Variants in BAZ1A observed in about 807,000 individuals in gnomAD.
BAZ1A encodes bromodomain adjacent to zinc finger domain protein 1A.
BAZ1A carries 50 observed loss-of-function variants against 185.2 expected under a neutral mutation model. The ratio of observed to expected loss-of-function variants is 0.27; its 90% CI spans 0.22 to 0.34. BAZ1A has a LOEUF of 0.34. BAZ1A is among the 10% of genes least tolerant of loss of function. The pLI is 1.00. For synonymous variants in BAZ1A, 571 were observed against 615.6 expected, an observed-to-expected ratio of 0.93 and a Z score of 1.07; for missense variants, 1,356 against 1,839.9, an observed-to-expected ratio of 0.74 and a Z score of 4.81.
chr14:34,790,576 A>G (rs1880778805), intron 12 of BAZ1A, among the ~76,000 whole-genome samples: 1 of 150,228 alleles, frequency 6.7e-6, no homozygotes, highest in African/African-American at 2.5e-5. Context: ...CTGGTCTTGA[A>G]CTCCTGACCT....
chr14:34,852,747 T>C (rs2042617159), intron 3 of BAZ1A, among the ~76,000 whole-genome samples: 1 of 152,218 alleles, frequency 6.6e-6, no homozygotes, highest in Non-Finnish European at 1.5e-5. Context: ...CATTTCATCC[T>C]GAGAAGCAAC....
At chr14:34,778,076 AC>A (rs2138592661) in intron 17 of BAZ1A, among the ~76,000 whole-genome samples, 1 of 152,342 alleles carries the variant, frequency 6.6e-6, no homozygotes, top group Non-Finnish European at 1.5e-5. Flanking sequence ...AGGTAACAGA[AC>A]CACTAGTTTT....
At position 34,771,013 on chromosome 14, in the gene BAZ1A, T is replaced by C. The variant is rs528744602; in HGVS notation, c.3301+498A>G. 3.9e-5 allele frequency among the ~76,000 whole-genome samples: 6 copies of C among 152,304 alleles called. No individual in the cohort carries two copies. In the East Asian group the frequency reaches 9.6e-4, roughly 24 times the overall value. ...ATAGGTTTTGGTGATCTTTTTTTTC[T>C]TTTAAAGAGACAGGGTCTTACTCTG... On this transcript the variant is annotated intron_variant, in intron 21 of 26. Coordinates refer to ENST00000360310, the MANE Select transcript of BAZ1A (RefSeq NM_013448.3).
In BAZ1A at chr14:34,875,179, C is replaced by A. The variant is rs1178432796; in HGVS notation, c.-100G>T. On this transcript the variant is annotated 5_prime_UTR_variant, in exon 1 of 27. Coordinates refer to ENST00000360310, the MANE Select transcript of BAZ1A (RefSeq NM_013448.3). The stretch of plus-strand genomic sequence containing the variant: ...TGCCACTTGTCCACCTTCTCCACTA[C>A]AAAGGCAACGAGGGGAGACCCCGTC... The A allele has an allele frequency of 4.5e-6, 2 of 441,892 alleles. No homozygotes were observed. Among genetic ancestry groups the A allele is most frequent in the Non-Finnish European group, 9.2e-6 (2 of 218,522 alleles). The allele number at this position is 441,892 out of a possible 1,614,324, so 27.4% of individuals were successfully genotyped here.
Position 34,794,875 on chromosome 14 carries a change from G to C in BAZ1A, c.1237C>G (p.Pro413Ala). ...ECDDLKELPE[P>A]TPVKTRLPPE... ...GGTAGTCTAGTTTTCACTGGTGTTG[G>C]TTCTGGAAGTTCCTGAAATATTGAA... Residue 413 changes from proline (P) to alanine (A), a missense_variant, in exon 11 of 27, where the codon CCA (proline) becomes GCA (alanine). Coordinates refer to ENST00000360310, the MANE Select transcript of BAZ1A (RefSeq NM_013448.3). 6.2e-7 allele frequency: 1 copy of C among 1,610,442 alleles called. No homozygotes were observed. Among genetic ancestry groups the C allele is most frequent in the African/African-American group, 1.3e-5 (1 of 74,774 alleles).
intron 4 of BAZ1A, among the ~76,000 whole-genome samples, chr14:34,822,393 G>A (rs2042102173): frequency 6.6e-6 from 1 of 152,168 alleles, no homozygotes; most frequent in African/African-American, 2.4e-5. Context: ...GGAGGTTGAG[G>A]TGGGTGAATT....
chr14:34,850,237 G>A (rs1383017675), intron 3 of BAZ1A, among the ~76,000 whole-genome samples: 1 of 152,112 alleles, frequency 6.6e-6, no homozygotes, highest in Non-Finnish European at 1.5e-5. Context: ...AATTATCCAG[G>A]TGTGGTGGAA....
rs1878747926 is a variant in BAZ1A at position 34,765,112 on chromosome 14, A to G, written c.3458T>C (p.Ile1153Thr). Residue 1153 changes from isoleucine to threonine, a missense_variant, in exon 22 of 27, where the codon ATA becomes ACA. Around this residue, in one of 7 missense-constraint regions of BAZ1A, gnomAD observed 309 missense variants for 355.3 expected, o/e 0.87. Transcript: ENST00000360310. ...SKSILNARCKICRKKGDAENM... is the reference protein window; with the variant it reads ...SKSILNARCKTCRKKGDAENM... ...TTCAGCATCGCCTTTCTTTCGACAT[A>G]TCTTGCAACGCGCATTCAGTATAGA... The G allele has an allele frequency of 1.2e-6, 2 of 1,614,166 alleles. No homozygotes were observed. The highest frequency in any genetic ancestry group is 1.7e-6 in the Non-Finnish European group (2 of 1,180,030).
In BAZ1A at chr14:34,771,569, T is replaced by A. The variant is rs1216877096; in HGVS notation, c.3243A>T (p.Ala1081=). ...CCTGCTCTATTTGAAAGAGTGCCAT[T>A]GCCAGATAATGAACCACACTGCTCA... is the stretch of plus-strand genomic sequence containing the variant. The part of the protein sequence containing the change: ...QSVSSVVHYL[A]MALFQIEQGI... Residue 1081 remains alanine, a synonymous_variant, in exon 21 of 27, where the codon GCA becomes GCT. Transcript: ENST00000360310. 2.5e-6 allele frequency: 4 copies of A among 1,614,014 alleles called. No individual in the cohort carries two copies. Among genetic ancestry groups the A allele is most frequent in the Non-Finnish European group, 3.4e-6 (4 of 1,180,022 alleles).
chr14:34,844,216 A>G lies in BAZ1A; in HGVS notation c.392+17828T>C, dbSNP rs1165955567. Among the ~76,000 whole-genome samples the G allele has an allele frequency of 1.0e-4, 3 of 29,574 alleles. No homozygotes were observed. The Admixed American group carries it at 1.2e-3, about 11-fold the overall frequency. 19.4% of individuals were successfully genotyped at this position (29,574 alleles called of 152,430 possible). A position where few individuals can be genotyped will look rare whatever the true frequency, so the allele number is the denominator to read the frequency against. ...GCGAGACTCCGTCTCAAAAAAAAAA[A>G]AAAAAAAAAAAAAAAAGAATGGTTT... On this transcript the variant is annotated intron_variant, in intron 3 of 26. Coordinates refer to ENST00000360310, the MANE Select transcript of BAZ1A (RefSeq NM_013448.3).
chr14:34,757,463 G>A lies in BAZ1A; in HGVS notation c.4386+1241C>T, dbSNP rs568461710. 4.7e-5 allele frequency among the ~76,000 whole-genome samples: 7 copies of A among 150,234 alleles called. No homozygotes were observed. The South Asian group carries it at 8.4e-4, about 18-fold the overall frequency. On this transcript the variant is annotated intron_variant, in intron 25 of 26. Coordinates refer to ENST00000360310, the MANE Select transcript of BAZ1A (RefSeq NM_013448.3). ...GCAGATCACCTGAGGTCAGGAGTTC[G>A]AGAACAGCCTGGCCAACATGGTGAA...
At chr14:34,783,630 T>A in intron 15 of BAZ1A, 132 bp downstream of exon 15, 1 of 1,234,662 alleles carries the variant, frequency 8.1e-7, no homozygotes, top group Non-Finnish European at 1.1e-6. Context: ...CCTGGCCTCA[T>A]TCACAAGCTC....
At chr14:34,801,761 T>C (rs1055222140) in intron 7 of BAZ1A, among the ~76,000 whole-genome samples, 9 of 152,044 alleles carry the variant, frequency 5.9e-5, no homozygotes, top group African/African-American at 1.9e-4. Context: ...ATGCAAAAAT[T>C]AGCTGGGCGT....
chr14:34,777,753 A>G (rs1879742474), intron 17 of BAZ1A, among the ~76,000 whole-genome samples: 1 of 151,968 alleles, frequency 6.6e-6, no homozygotes, highest in African/African-American at 2.4e-5. Flanking sequence ...ACACTTTGGG[A>G]GGCCGAGGTG....
intron 4 of BAZ1A, among the ~76,000 whole-genome samples, chr14:34,815,730 G>C (rs1191980113): frequency 6.6e-6 from 1 of 152,042 alleles, no homozygotes; most frequent in Admixed American, 6.6e-5. Flanking sequence ...ACAATTTTCT[G>C]TATCAGCACC....
intron 25 of BAZ1A, among the ~76,000 whole-genome samples, chr14:34,757,456 G>A (rs554629345): frequency 2.0e-5 from 3 of 150,334 alleles, no homozygotes; most frequent in East Asian, 4.0e-4. Context: ...CCTGAGGTCA[G>A]GAGTTCGAGA....
intron 17 of BAZ1A, among the ~76,000 whole-genome samples, chr14:34,777,316 CA>C (rs1304437099): frequency 3.3e-5 from 5 of 152,180 alleles, no homozygotes; most frequent in Non-Finnish European, 2.9e-5. Flanking sequence ...TCACTTATCA[CA>C]AAGTATCATT....
In BAZ1A at chr14:34,826,066, A is replaced by G; in HGVS notation, c.483T>C (p.Ile161=). ...CTGAATCATCACTATCACTGATGAT[A>G]ATAGTTTCTCCATCCACACTGTTAA... ...GHVNSVDGET[I]IISDSDDSET... is the part of the protein sequence containing the mutation. Residue 161 remains isoleucine, a synonymous_variant, in exon 4 of 27, where the codon ATT becomes ATC. Coordinates refer to ENST00000360310, the MANE Select transcript of BAZ1A (RefSeq NM_013448.3). The G allele has an allele frequency of 1.2e-6, 2 of 1,608,352 alleles. No homozygotes were observed. The highest frequency in any genetic ancestry group is 1.7e-6 in the Non-Finnish European group (2 of 1,176,718).
At chr14:34,769,362 G>A (rs1879059569) in intron 21 of BAZ1A, among the ~76,000 whole-genome samples, 1 of 152,056 alleles carries the variant, frequency 6.6e-6, no homozygotes, top group Non-Finnish European at 1.5e-5. Flanking sequence ...ATTTAACTTT[G>A]ACACTACCAA....
Sources: gnomAD v4.1 joint callset for allele counts (sites outside exome capture counted in the v4.1 genomes callset) on GRCh38, gnomAD v4.1.1 for gene constraint, gnomAD v4.1.1 regional missense constraint, MANE v1.5 for transcripts, NCBI Gene and HGNC (gene_info 2026-07-23, HGNC 2026-07-21) for gene names.